VAV3: variants seen among roughly 807,000 people sequenced by gnomAD.
VAV3 encodes the protein vav guanine nucleotide exchange factor 3.
A neutral mutation model predicts 131.2 loss-of-function variants in VAV3; 94 were observed. That is an observed-to-expected ratio of 0.72 (90% confidence interval 0.61 to 0.85). VAV3 has a LOEUF of 0.85. Ranked by LOEUF, VAV3 falls within the 40% of genes least tolerant of loss-of-function variation. VAV3 has a pLI of 0.00. For missense variants in VAV3, 939 were observed against 1,002.7 expected (o/e 0.94, Z 0.86); for synonymous variants, 349 against 342.0 (o/e 1.02, Z -0.22).
intron 19 of VAV3, chr1:107,673,666 G>C (rs146854067): frequency 3.2e-4 from 49 of 152,272 alleles, no homozygotes; most frequent in Middle Eastern, 3.4e-3. Context: ...CACCAAGTCA[G>C]TATACTTGTC....
At chr1:107,753,597 T>C (rs1299769793) in intron 12 of VAV3, among the ~76,000 whole-genome samples, 3 of 148,838 alleles carry the variant, frequency 2.0e-5, no homozygotes, top group East Asian at 4.0e-4. Flanking sequence ...TCTCGCTCTG[T>C]TGCCTAGGCT....
intron 2 of VAV3, among the ~76,000 whole-genome samples, chr1:107,840,560 T>TA (rs1227527596): frequency 6.6e-6 from 1 of 152,230 alleles, no homozygotes; most frequent in Non-Finnish European, 1.5e-5. Flanking sequence ...TGACATTTCA[T>TA]TGTCTATTCA....
intron 2 of VAV3, among the ~76,000 whole-genome samples, chr1:107,859,944 T>C (rs1669659034): frequency 6.6e-6 from 1 of 152,182 alleles, no homozygotes; most frequent in Non-Finnish European, 1.5e-5. Flanking sequence ...CTTTGTTATA[T>C]GTGATAAAGA....
intron 2 of VAV3, among the ~76,000 whole-genome samples, chr1:107,798,819 T>C (rs560504172): frequency 7.3e-4 from 111 of 152,034 alleles, no homozygotes; most frequent in Non-Finnish European, 1.4e-3. Flanking sequence ...CGCTTTTCTA[T>C]TGATTTTTTA....
At position 107,683,491 on chromosome 1, in the gene VAV3, G is replaced by T; in HGVS notation, c.1774C>A (p.Pro592Thr). 3 of 1,613,926 alleles carry T rather than the reference G, an allele frequency of 1.9e-6. No homozygotes were observed. Among genetic ancestry groups the T allele is most frequent in the Non-Finnish European group, 2.5e-6 (3 of 1,179,890 alleles). The stretch of plus-strand genomic sequence containing the variant: ...GAAGGTTTAATCAGAAACACACCTG[G>T]ATCCACCTGTTTAGGAGTTCTTCGC... ...GLRRTPKQVDPGLPKMQVIRN... is the reference protein window; with the variant it reads ...GLRRTPKQVDTGLPKMQVIRN... The change falls in exon 19 of 27, where the codon CCA (proline) becomes ACA (threonine). Residue 592 changes from proline (P) to threonine (T), a missense_variant. Pro to Thr is a conservative substitution (Grantham distance 38). Transcript: ENST00000370056.
chr1:107,582,519 G>A (rs990947103), intron 25 of VAV3, among the ~76,000 whole-genome samples: 3 of 150,830 alleles, frequency 2.0e-5, no homozygotes, highest in South Asian at 2.1e-4. Flanking sequence ...CCACTAACTC[G>A]TCATCTAGCA....
chr1:107,895,008 C>T (rs1005501112), intron 1 of VAV3, among the ~76,000 whole-genome samples: 3 of 152,192 alleles, frequency 2.0e-5, no homozygotes, highest in Non-Finnish European at 4.4e-5. Context: ...ACTGCCAAAG[C>T]CTCCCATGAA....
At chr1:107,617,092 T>A (rs996874348) in intron 21 of VAV3, among the ~76,000 whole-genome samples, 4 of 152,196 alleles carry the variant, frequency 2.6e-5, no homozygotes, top group African/African-American at 9.6e-5. Flanking sequence ...CATTATGACA[T>A]TATATAAAAA....
rs1023211549 is a variant in VAV3 at position 107,571,392 on chromosome 1, G to A, written c.*1939C>T. 2 of 152,498 alleles carry A rather than the reference G, an allele frequency of 1.3e-5. No homozygotes were observed. The highest frequency in any genetic ancestry group is 2.4e-5 in the African/African-American group (1 of 41,376). The allele number at this position is 152,498 out of a possible 1,614,324, so 9.4% of individuals were successfully genotyped here. On this transcript the variant is annotated 3_prime_UTR_variant, in exon 27 of 27. Transcript: ENST00000370056. ...TGTAATTGGTAATGTCACAAAAAGGGGCTCCAATATCCTCTGCTAGGAAAC... is the reference window on the plus strand; with the variant it reads ...TGTAATTGGTAATGTCACAAAAAGGAGCTCCAATATCCTCTGCTAGGAAAC...
In VAV3 at chr1:107,828,296, C is replaced by G. The variant is rs183879282; in HGVS notation, c.321+46605G>C. ...GATTCAGTGATATAAAGGGCACTTACCACCTGAAAAAAGACCTAGGCTGTA... is the reference window on the plus strand; with the variant it reads ...GATTCAGTGATATAAAGGGCACTTAGCACCTGAAAAAAGACCTAGGCTGTA... On this transcript the variant is annotated intron_variant, in intron 2 of 26. Transcript: ENST00000370056. Among the ~76,000 whole-genome samples, 271 of 152,220 alleles carry G rather than the reference C, an allele frequency of 1.8e-3. 3 individuals carry two copies. The highest frequency in any genetic ancestry group is 0.015 in the Admixed American group (235 of 15,284).
intron 1 of VAV3, among the ~76,000 whole-genome samples, chr1:107,961,030 A>G (rs969880433): frequency 2.6e-5 from 4 of 152,042 alleles, no homozygotes; most frequent in Non-Finnish European, 5.9e-5. Context: ...TAGGGCAGGG[A>G]CTTTGTTGAG....
intron 9 of VAV3, among the ~76,000 whole-genome samples, chr1:107,764,790 C>T (rs1291870758): frequency 1.3e-5 from 2 of 152,182 alleles, no homozygotes; most frequent in African/African-American, 4.8e-5. Context: ...CTCTGAACTT[C>T]AGCTTTCTCA....
At chr1:107,856,331 A>AG (rs1208157026) in intron 2 of VAV3, among the ~76,000 whole-genome samples, 1 of 152,184 alleles carries the variant, frequency 6.6e-6, no homozygotes, top group Non-Finnish European at 1.5e-5. Flanking sequence ...TAATATTCTT[A>AG]GTAGTTGGGA....
At chr1:107,947,969 A>C (rs1674350766) in intron 1 of VAV3, among the ~76,000 whole-genome samples, 1 of 152,200 alleles carries the variant, frequency 6.6e-6, no homozygotes. Flanking sequence ...AACATACATG[A>C]ATACTCATAC....
At chr1:107,611,876 A>G (rs1009158322) in intron 21 of VAV3, among the ~76,000 whole-genome samples, 1 of 152,120 alleles carries the variant, frequency 6.6e-6, no homozygotes, top group African/African-American at 2.4e-5. Flanking sequence ...GTGGGGTCCT[A>G]TCCTTTTCCA....
intron 1 of VAV3, among the ~76,000 whole-genome samples, chr1:107,901,392 A>G (rs1671850223): frequency 6.6e-6 from 1 of 152,262 alleles, no homozygotes; most frequent in East Asian, 1.9e-4. Flanking sequence ...TGCATGAATT[A>G]CTAGCTCAAA....
intron 1 of VAV3, among the ~76,000 whole-genome samples, chr1:107,881,664 G>A (rs1195955480): frequency 6.6e-6 from 1 of 152,090 alleles, no homozygotes; most frequent in Non-Finnish European, 1.5e-5. Context: ...TGGTAGAAAA[G>A]CACTCAATAT....
At chr1:107,953,558 T>C (rs531739368) in intron 1 of VAV3, among the ~76,000 whole-genome samples, 6 of 152,308 alleles carry the variant, frequency 3.9e-5, no homozygotes, top group Non-Finnish European at 7.4e-5. Context: ...TGCTATTTAG[T>C]ATATTATTGC....
chr1:107,946,621 G>A (rs1237519841), intron 1 of VAV3, among the ~76,000 whole-genome samples: 1 of 152,214 alleles, frequency 6.6e-6, no homozygotes, highest in Non-Finnish European at 1.5e-5. Flanking sequence ...GGACAGTCAT[G>A]CTATCCATAA....
Sources: gnomAD v4.1 joint callset for allele counts (sites outside exome capture counted in the v4.1 genomes callset) on GRCh38, gnomAD v4.1.1 for gene constraint, MANE v1.5 for transcripts, NCBI Gene and HGNC (gene_info 2026-07-23, HGNC 2026-07-21) for gene names.